Variants in TANC2 observed in about 807,000 individuals in gnomAD.
The protein encoded by TANC2 is protein TANC2.
Under a neutral mutation model 210.5 loss-of-function variants are expected in TANC2, and 26 were observed. The ratio of observed to expected loss-of-function variants is 0.12; its 90% CI spans 0.09 to 0.17. TANC2 has a LOEUF of 0.17. Among genes scored for constraint, TANC2 ranks in the 10% least tolerant of loss-of-function variants. TANC2 has a pLI of 1.00. For missense variants in TANC2, 2,129 were observed against 2,608.9 expected, an observed-to-expected ratio of 0.82 and a Z score of 4.01; for synonymous variants, 931 against 967.1, an observed-to-expected ratio of 0.96 and a Z score of 0.69.
At chr17:62,982,279 A>C (rs1179601173) in intron 1 of TANC2, among the ~76,000 whole-genome samples, 2 of 152,196 alleles carry the variant, frequency 1.3e-5, no homozygotes, top group African/African-American at 4.8e-5. Context: ...AATTCCCAGG[A>C]TTTAGAGACT....
chr17:63,108,232 T>C (rs2037900735), intron 4 of TANC2, among the ~76,000 whole-genome samples: 1 of 151,726 alleles, frequency 6.6e-6, no homozygotes, highest in African/African-American at 2.4e-5. Context: ...ATTTGAATAA[T>C]AAGCAATTAA....
At chr17:63,197,169 T>C (rs1370982723) in intron 6 of TANC2, among the ~76,000 whole-genome samples, 3 of 152,166 alleles carry the variant, frequency 2.0e-5, no homozygotes, top group Admixed American at 6.5e-5. Flanking sequence ...ATCATAGCTT[T>C]CGTACTTTCA....
At chr17:63,141,079 A>G (rs1328769643) in intron 4 of TANC2, among the ~76,000 whole-genome samples, 1 of 152,098 alleles carries the variant, frequency 6.6e-6, no homozygotes, top group Non-Finnish European at 1.5e-5. Context: ...AAATATTATA[A>G]TATTTGAAAT....
At chr17:63,267,867 T>C in exon 9 of TANC2, 1 of 1,610,382 alleles carries the variant, frequency 6.2e-7, no homozygotes, top group African/African-American at 1.3e-5. Flanking sequence ...ACAGCAGGAT[T>C]TAAGAGGTTA....
chr17:63,099,196 A>G (rs1375215908), exon 4 of TANC2: 1 of 1,609,252 alleles, frequency 6.2e-7, no homozygotes, highest in East Asian at 2.2e-5. Flanking sequence ...ACAGAAAGCG[A>G]CTGTGCTTTT....
At chr17:62,982,967 A>G (rs1187607494) in intron 1 of TANC2, among the ~76,000 whole-genome samples, 2 of 152,156 alleles carry the variant, frequency 1.3e-5, no homozygotes, top group Non-Finnish European at 2.9e-5. Context: ...TTCCATGCGA[A>G]TTTTAGGATT....
intron 8 of TANC2, among the ~76,000 whole-genome samples, chr17:63,262,316 A>C (rs1230893791): frequency 6.6e-6 from 1 of 152,130 alleles, no homozygotes; most frequent in Non-Finnish European, 1.5e-5. Context: ...AGTAGCTAGC[A>C]CTACGGACAT....
chr17:63,080,874 C>G (rs2036746673), intron 3 of TANC2, among the ~76,000 whole-genome samples: 1 of 152,030 alleles, frequency 6.6e-6, no homozygotes, highest in Non-Finnish European at 1.5e-5. Context: ...AGGTTGTAAA[C>G]TAGGTGCATA....
intron 5 of TANC2, among the ~76,000 whole-genome samples, chr17:63,183,314 T>G (rs1345257260): frequency 6.6e-6 from 1 of 152,230 alleles, no homozygotes; most frequent in Non-Finnish European, 1.5e-5. Flanking sequence ...CAAGTGAAGT[T>G]AACATTGCCA....
At chr17:63,415,407 T>G (rs1425321805) in intron 25 of TANC2, 121 bp from the exon 26 acceptor site, 3 of 1,297,128 alleles carry the variant, frequency 2.3e-6, no homozygotes, top group East Asian at 2.5e-5. Flanking sequence ...CTCTCTAGGC[T>G]GGCGTTTGGG....
At position 63,267,739 on chromosome 17, in the gene TANC2, T is replaced by C; in HGVS notation, c.1034-9T>C. On this transcript the variant is annotated splice_polypyrimidine_tract_variant and intron_variant, in intron 8 of 27. Transcript: ENST00000689528. The stretch of plus-strand genomic sequence containing the variant: ...TAAATATTCTAACTAAACTTTTCTT[T>C]CTTGTCAGCCACCAGCTCTGCCCAC... 6.2e-7 allele frequency: 1 copy of C among 1,610,546 alleles called. No individual in the cohort carries two copies. The highest frequency in any genetic ancestry group is 8.5e-7 in the Non-Finnish European group (1 of 1,178,240).
chr17:63,355,447 A>T, intron 14 of TANC2, 57 bp downstream of exon 14: 2 of 1,459,092 alleles, frequency 1.4e-6, no homozygotes, highest in Non-Finnish European at 1.8e-6. Flanking sequence ...TATTGCATGG[A>T]GTGTGAGTAT....
chr17:62,974,481 T>A (rs1006642921), intron 1 of TANC2, among the ~76,000 whole-genome samples: 2 of 152,170 alleles, frequency 1.3e-5, no homozygotes, highest in African/African-American at 4.8e-5. Context: ...AGTTTAAAAG[T>A]TGAGGTGGAT....
chr17:63,352,523 A>G (rs962306600), intron 13 of TANC2, among the ~76,000 whole-genome samples: 8 of 152,296 alleles, frequency 5.3e-5, no homozygotes, highest in African/African-American at 1.9e-4. Context: ...TTAAAAATGA[A>G]AGATGAATGA....
intron 4 of TANC2, among the ~76,000 whole-genome samples, chr17:63,139,813 A>G (rs2039222305): frequency 6.6e-6 from 1 of 152,182 alleles, no homozygotes; most frequent in Non-Finnish European, 1.5e-5. Context: ...CAGAGGTAGG[A>G]GGATCACTTG....
chr17:63,087,363 T>C (rs2037010152), intron 3 of TANC2, among the ~76,000 whole-genome samples: 1 of 152,186 alleles, frequency 6.6e-6, no homozygotes, highest in Non-Finnish European at 1.5e-5. Context: ...AGTTCTTGTC[T>C]TTTGGTGAGC....
chr17:63,027,115 A>G (rs2034583457), intron 2 of TANC2, among the ~76,000 whole-genome samples: 1 of 152,188 alleles, frequency 6.6e-6, no homozygotes, highest in Admixed American at 6.5e-5. Flanking sequence ...TACTGATTGA[A>G]GTTTCCCTGG....
chr17:63,095,242 C>T (rs549291654), intron 3 of TANC2, among the ~76,000 whole-genome samples: 6 of 152,126 alleles, frequency 3.9e-5, no homozygotes, highest in East Asian at 1.9e-4. Flanking sequence ...GTAGTATGAT[C>T]GTAGCTCACT....
intron 2 of TANC2, among the ~76,000 whole-genome samples, chr17:63,014,317 A>G (rs1247591820): frequency 6.6e-6 from 1 of 152,176 alleles, no homozygotes; most frequent in Non-Finnish European, 1.5e-5. Context: ...CATATTTAAA[A>G]TAGGCAATTT....
Sources: gnomAD v4.1 joint callset for allele counts (sites outside exome capture counted in the v4.1 genomes callset) on GRCh38, gnomAD v4.1.1 for gene constraint, MANE v1.5 for transcripts, NCBI Gene and HGNC (gene_info 2026-07-23, HGNC 2026-07-21) for gene names.